Variants in EPHA6 observed in about 807,000 individuals in gnomAD.
EPHA6 encodes ephrin type-A receptor 6.
A neutral mutation model predicts 112.0 loss-of-function variants in EPHA6; 50 were observed. That is an observed-to-expected ratio of 0.45 (90% CI 0.36 to 0.56). The LOEUF is 0.56. EPHA6 is among the 20% of genes least tolerant of loss of function. The pLI, the probability that EPHA6 is intolerant of heterozygous loss-of-function variation, is 0.00. For synonymous variants in EPHA6, 529 were observed against 490.7 expected, an observed-to-expected ratio of 1.08 and a Z score of -1.03; for missense variants, 1,280 against 1,417.4, an observed-to-expected ratio of 0.90 and a Z score of 1.56.
chr3:96,962,769 T>C (rs567160945), intron 2 of EPHA6, among the ~76,000 whole-genome samples: 2 of 152,098 alleles, frequency 1.3e-5, no homozygotes, highest in South Asian at 4.2e-4. Flanking sequence ...AAGTGCCCTT[T>C]GAATCCCATT....
intron 2 of EPHA6, among the ~76,000 whole-genome samples, chr3:96,925,709 G>A (rs2040001004): frequency 6.6e-6 from 1 of 150,936 alleles, no homozygotes; most frequent in African/African-American, 2.4e-5. Flanking sequence ...GAGTTCAAGT[G>A]ATTCTCCTGC....
chr3:97,370,853 GA>G (rs1268090354), intron 5 of EPHA6, among the ~76,000 whole-genome samples: 1 of 152,098 alleles, frequency 6.6e-6, no homozygotes, highest in African/African-American at 2.4e-5. Flanking sequence ...AAAGTTCAAA[GA>G]GGTGGGAATA....
chr3:97,481,594 A>AG lies in EPHA6; in HGVS notation c.2074+2231dup, dbSNP rs569396914. The AG allele has an allele frequency of 6.2e-4, 334 of 538,524 alleles. 3 individuals carry two copies. The highest frequency in any genetic ancestry group is 5.3e-3 in the African/African-American group (277 of 52,006). The allele number at this position is 538,524 out of a possible 1,614,324, so 33.4% of individuals were successfully genotyped here. On this transcript the variant is annotated intron_variant, in intron 9 of 17. Transcript: ENST00000389672. The stretch of plus-strand genomic sequence containing the variant: ...GCGCTGGGGGACTGTTGGGTCAGAA[A>AG]GTCTTCAGGGAGCAGCTGTTGCGCC...
intron 2 of EPHA6, among the ~76,000 whole-genome samples, chr3:96,896,155 C>T (rs1252350371): frequency 1.3e-5 from 2 of 152,072 alleles, no homozygotes; most frequent in African/African-American, 2.4e-5. Context: ...TCCTTTTTGC[C>T]TTTTTTACTC....
chr3:97,102,700 C>A (rs2047439246), intron 3 of EPHA6, among the ~76,000 whole-genome samples: 1 of 152,038 alleles, frequency 6.6e-6, no homozygotes, highest in South Asian at 2.1e-4. Flanking sequence ...AATCACCATG[C>A]TGTTTTCCTC....
At chr3:97,618,191 G>A (rs1490138957) in intron 13 of EPHA6, among the ~76,000 whole-genome samples, 1 of 152,036 alleles carries the variant, frequency 6.6e-6, no homozygotes, top group Non-Finnish European at 1.5e-5. Context: ...GGTAAATAAT[G>A]AACTTAAGGC....
At chr3:97,456,775 G>A (rs2090701680) in intron 7 of EPHA6, among the ~76,000 whole-genome samples, 1 of 152,032 alleles carries the variant, frequency 6.6e-6, no homozygotes, top group Non-Finnish European at 1.5e-5. Context: ...GACTTGATTT[G>A]AGATGGATTT....
rs145548593 is a variant in EPHA6, at chr3:96,839,146, C to T, written c.385+24138C>T. ...ATTTGTACATTTAAACTTAGTATCC[C>T]CTACAGCAGAGGTCCCCAGCCCTGG... On this transcript the variant is annotated intron_variant, in intron 1 of 17. Transcript: ENST00000389672. 1.8e-3 allele frequency among the ~76,000 whole-genome samples: 280 copies of T among 152,154 alleles called. 1 individual carries two copies. The highest frequency in any genetic ancestry group is 6.4e-3 in the African/African-American group (267 of 41,516).
At chr3:97,196,453 C>T (rs1421442693) in intron 3 of EPHA6, among the ~76,000 whole-genome samples, 4 of 152,068 alleles carry the variant, frequency 2.6e-5, no homozygotes, top group African/African-American at 9.7e-5. Context: ...TGAAAGATCA[C>T]ATTTCTCTGT....
At chr3:97,369,066 T>C (rs1484051463) in intron 5 of EPHA6, among the ~76,000 whole-genome samples, 1 of 152,188 alleles carries the variant, frequency 6.6e-6, no homozygotes, top group East Asian at 1.9e-4. Context: ...ACATGTGCAA[T>C]GTCCCTGAGC....
At chr3:97,631,081 T>G (rs1481971790) in intron 13 of EPHA6, among the ~76,000 whole-genome samples, 1 of 152,000 alleles carries the variant, frequency 6.6e-6, no homozygotes, top group Admixed American at 6.6e-5. Flanking sequence ...TCCAGATGAT[T>G]TTTCATCTTT....
chr3:97,536,979 T>A (rs1476565105), intron 11 of EPHA6, among the ~76,000 whole-genome samples: 1 of 152,168 alleles, frequency 6.6e-6, no homozygotes, highest in Non-Finnish European at 1.5e-5. Flanking sequence ...GTTGGTGAGG[T>A]TTAAAATTTG....
chr3:97,588,029 C>T (rs1015251297), intron 11 of EPHA6, among the ~76,000 whole-genome samples: 3 of 152,186 alleles, frequency 2.0e-5, no homozygotes, highest in African/African-American at 7.2e-5. Context: ...GCAAGTTTTA[C>T]AGGGGATATT....
At chr3:97,499,451 T>C (rs1232663333) in intron 10 of EPHA6, among the ~76,000 whole-genome samples, 1 of 152,168 alleles carries the variant, frequency 6.6e-6, no homozygotes, top group Non-Finnish European at 1.5e-5. Flanking sequence ...TATTTTCAAA[T>C]TATTATACAG....
intron 3 of EPHA6, among the ~76,000 whole-genome samples, chr3:97,002,083 A>G (rs1275462495): frequency 6.6e-6 from 1 of 151,752 alleles, no homozygotes; most frequent in Non-Finnish European, 1.5e-5. Flanking sequence ...AAAGTAAACT[A>G]CTCTTCAGGA....
At chr3:97,431,353 A>T (rs2089493470) in intron 6 of EPHA6, among the ~76,000 whole-genome samples, 2 of 152,144 alleles carry the variant, frequency 1.3e-5, no homozygotes, top group African/African-American at 4.8e-5. Context: ...TAAGTCTATA[A>T]TGAGAGAATG....
At chr3:97,560,881 C>A (rs1169316566) in intron 11 of EPHA6, among the ~76,000 whole-genome samples, 1 of 152,018 alleles carries the variant, frequency 6.6e-6, no homozygotes, top group African/African-American at 2.4e-5. Context: ...CAACAGTATG[C>A]ACTTACTTCA....
At chr3:96,956,403 A>G (rs2107736729) in intron 2 of EPHA6, among the ~76,000 whole-genome samples, 1 of 152,336 alleles carries the variant, frequency 6.6e-6, no homozygotes, top group Non-Finnish European at 1.5e-5. Context: ...ATTCAAATGG[A>G]AACAATAGCA....
chr3:97,351,711 ATGATAAAACT>A (rs2083822590), intron 5 of EPHA6, among the ~76,000 whole-genome samples: 1 of 152,170 alleles, frequency 6.6e-6, no homozygotes, highest in South Asian at 2.1e-4. Flanking sequence ...ATTAGAAAAT[ATGATAAAACT>A]GGATTTAATT....
Sources: allele counts gnomAD v4.1 joint callset (sites outside exome capture counted in the v4.1 genomes callset), GRCh38; gene constraint gnomAD v4.1.1; transcripts MANE v1.5; gene names NCBI Gene and HGNC (gene_info 2026-07-23, HGNC 2026-07-21).